Variants in PDXDC1 observed in about 807,000 individuals in gnomAD.
The protein encoded by PDXDC1 is pyridoxal-dependent decarboxylase domain-containing protein 1.
A neutral mutation model predicts 100.1 loss-of-function variants in PDXDC1; 42 were observed. The observed-to-expected ratio is 0.42, with a 90% CI of 0.33 to 0.54. The LOEUF (loss-of-function observed/expected upper bound fraction) is 0.54. PDXDC1 is among the 20% of genes least tolerant of loss of function. PDXDC1 has a pLI of 0.10. For missense variants in PDXDC1, 636 were observed against 979.2 expected (o/e 0.65, Z 4.68); for synonymous variants, 260 against 371.7 (o/e 0.70, Z 3.46).
intron 1 of PDXDC1, among the ~76,000 whole-genome samples, chr16:14,997,073 A>G (rs1972137678): frequency 6.6e-6 from 1 of 152,202 alleles, no homozygotes; most frequent in Non-Finnish European, 1.5e-5. Context: ...TAACTTGTCA[A>G]GTGGGAAGGT....
At chr16:15,075,850 G>A (rs1028433519) in intron 16 of PDXDC1, among the ~76,000 whole-genome samples, 1 of 152,138 alleles carries the variant, frequency 6.6e-6, no homozygotes, top group Admixed American at 6.5e-5. Flanking sequence ...ACTGCTGTGA[G>A]TACTGGCGGC....
intron 16 of PDXDC1, among the ~76,000 whole-genome samples, chr16:15,122,279 C>T (rs1042240941): frequency 6.0e-4 from 90 of 149,606 alleles, no homozygotes; most frequent in African/African-American, 2.0e-3. Context: ...GGGGCCATCT[C>T]GGCTCACTGC....
chr16:15,044,527 C>A (rs556710853), intron 16 of PDXDC1: 2 of 707,420 alleles, frequency 2.8e-6, no homozygotes, highest in South Asian at 1.6e-5. Flanking sequence ...AGCTGCAGGT[C>A]ATCTTCGTGC....
chr16:15,031,766 G>A lies in PDXDC1; in HGVS notation c.1431G>A (p.Gln477=). 2 of 1,613,650 alleles carry A rather than the reference G, an allele frequency of 1.2e-6. No homozygotes were observed. Among genetic ancestry groups the A allele is most frequent in the Non-Finnish European group, 1.7e-6 (2 of 1,179,682 alleles). The change falls in exon 17 of 23, where the codon CAG becomes CAA. Residue 477 remains glutamine (Q), a synonymous_variant. Transcript: ENST00000396410. ...VLGTRGEDVD[Q]LVACIESKLP... is the part of the protein sequence containing the mutation. ...GAACTCGGGGAGAGGATGTGGATCA[G>A]CTCGTAGCCTGCATAGAAAGCAAAC...
intron 16 of PDXDC1, among the ~76,000 whole-genome samples, chr16:15,116,117 TA>T (rs1175364451): frequency 0.018 from 2 of 114 alleles, no homozygotes; most frequent in Non-Finnish European, 0.071. Context: ...TCAGCATAAG[TA>T]AAAAAAAAAA....
At chr16:15,146,432 G>T in the PDXDC1 span, among the ~76,000 whole-genome samples, 1 of 152,120 alleles carries the variant, frequency 6.6e-6, no homozygotes, top group Non-Finnish European at 1.5e-5. Flanking sequence ...AAGAACAAAA[G>T]GAGTGAGGAC....
chr16:15,030,544 C>CAAAAAAA (rs1156634836), intron 16 of PDXDC1, among the ~76,000 whole-genome samples: 1 of 38,382 alleles, frequency 2.6e-5, no homozygotes, highest in Non-Finnish European at 3.9e-5. Context: ...GACTCCATCT[C>CAAAAAAA]AAAAAAAAAA....
chr16:15,038,587 T>C (rs769303140), downstream of PDXDC1: 2 of 1,580,620 alleles, frequency 1.3e-6, no homozygotes, highest in East Asian at 4.5e-5. Flanking sequence ...TAGTATTTGC[T>C]TGTCATCTTG....
rs766472162 is a variant in PDXDC1, at chr16:15,076,702, A to C, written c.1399+46646A>C. ...ATAAAAGGATTTAAAAAATACAACT[A>C]TGTTATTTTGGGATGGAAATTCATC... On this transcript the variant is annotated intron_variant, in intron 16 of 16. Transcript: ENST00000535621. The C allele has an allele frequency of 3.8e-6, 5 of 1,307,446 alleles. No individual in the cohort carries two copies. The Admixed American group carries it at 6.9e-5, about 18-fold the overall frequency. 81.0% of individuals were successfully genotyped at this position (1,307,446 alleles called of 1,614,324 possible).
intron 16 of PDXDC1, among the ~76,000 whole-genome samples, chr16:15,072,473 C>A (rs1227313817): frequency 1.3e-5 from 2 of 152,054 alleles, no homozygotes; most frequent in Admixed American, 1.3e-4. Context: ...GCTGGGCTGG[C>A]AGGCAGCAAT....
intron 8 of PDXDC1, among the ~76,000 whole-genome samples, chr16:15,011,631 CTTTTTT>C: frequency 2.7e-4 from 36 of 131,304 alleles, no homozygotes; most frequent in African/African-American, 5.6e-4. Context: ...ACATTTTTTT[CTTTTTT>C]TTTTTTTTTT....
At chr16:15,019,969 G>C (rs1468534127) in intron 12 of PDXDC1, among the ~76,000 whole-genome samples, 3 of 152,216 alleles carry the variant, frequency 2.0e-5, no homozygotes, top group African/African-American at 7.2e-5. Flanking sequence ...AAAATTAGCT[G>C]GGCGTGGTGG....
intron 18 of PDXDC1, 114 bp from the exon 19 acceptor site, chr16:15,033,164 C>G: frequency 8.2e-7 from 1 of 1,221,736 alleles, no homozygotes; most frequent in Non-Finnish European, 1.2e-6. Flanking sequence ...CCCTTAGAAT[C>G]TCCATGGAGG....
chr16:15,150,421 T>C, the PDXDC1 span, among the ~76,000 whole-genome samples: 1 of 151,328 alleles, frequency 6.6e-6, no homozygotes, highest in African/African-American at 2.4e-5. Context: ...TCCCAGCACT[T>C]CGGGAGGCCG....
At chr16:15,140,424 C>T (rs918369945), downstream of PDXDC1, among the ~76,000 whole-genome samples, 2 of 142,996 alleles carry the variant, frequency 1.4e-5, no homozygotes, top group African/African-American at 5.2e-5. Flanking sequence ...AGCACCCCAT[C>T]CTGCAAGAGT....
In PDXDC1 at chr16:15,026,700, G is replaced by C; in HGVS notation, c.1198G>C (p.Gly400Arg). The change falls in exon 14 of 23, where the codon GGC (glycine) becomes CGC (arginine). Residue 400 changes from glycine (G) to arginine (R), a missense_variant. By Grantham distance (125) the Gly-to-Arg change is moderately radical. Transcript: ENST00000396410. ...VVFRFFQELP[G>R]SDPVFKAVPV... ...GTTCAGATTTTTCCAGGAATTACCA[G>C]GCTCAGGTCGGTGAATTTTAAAAGA... 1.9e-6 allele frequency: 3 copies of C among 1,613,732 alleles called. No individual in the cohort carries two copies. Among genetic ancestry groups the C allele is most frequent in the Non-Finnish European group, 2.5e-6 (3 of 1,179,642 alleles).
chr16:14,999,649 G>T (rs1432752617), intron 3 of PDXDC1, among the ~76,000 whole-genome samples: 2 of 152,220 alleles, frequency 1.3e-5, no homozygotes, highest in African/African-American at 4.8e-5. Context: ...ATTCTAAGAG[G>T]TATTTTAATT....
At chr16:15,133,393 G>C in intron 16 of PDXDC1, 1 of 1,085,758 alleles carries the variant, frequency 9.2e-7, no homozygotes, top group Non-Finnish European at 1.4e-6. Context: ...TTGCGCTGCC[G>C]TTGGGCTCTG....
At chr16:15,146,769 G>A in the PDXDC1 span, among the ~76,000 whole-genome samples, 1 of 152,162 alleles carries the variant, frequency 6.6e-6, no homozygotes, top group South Asian at 2.1e-4. Flanking sequence ...GAGGACAGGG[G>A]AATGGGCCCC....
Sources: allele counts gnomAD v4.1 joint callset (sites outside exome capture counted in the v4.1 genomes callset), GRCh38; gene constraint gnomAD v4.1.1; transcripts MANE v1.5; gene names NCBI Gene and HGNC (gene_info 2026-07-23, HGNC 2026-07-21).